The following PGF variants were observed in gnomAD, a reference collection of about 807,000 sequenced individuals.
The protein encoded by PGF is placenta growth factor.
Under a neutral mutation model 25.3 loss-of-function variants are expected in PGF, and 11 were observed. The observed-to-expected ratio is 0.43, with a 90% CI of 0.27 to 0.72. PGF has a LOEUF of 0.72. Ranked by LOEUF, PGF falls within the 30% of genes least tolerant of loss-of-function variation. The probability of loss-of-function intolerance (pLI) is 0.18; values close to 1 mark genes in which losing one functional copy is unlikely to be tolerated. For missense variants in PGF, 230 were observed against 234.9 expected, an observed-to-expected ratio of 0.98 and a Z score of 0.14; for synonymous variants, 105 against 97.9, an observed-to-expected ratio of 1.07 and a Z score of -0.43.
In PGF at chr14:74,942,044, A is replaced by C. The variant is rs1198012484; in HGVS notation, c.*662T>G. On this transcript the variant is annotated 3_prime_UTR_variant, in exon 7 of 7. Transcript: ENST00000555567. ...CAGCTCTTTCTCCAGCCCGGGGCCC[A>C]CTCTGTATGTGTCTCTTAGGGGGGG... 1.3e-5 allele frequency: 2 copies of C among 152,314 alleles called. No homozygotes were observed. The highest frequency in any genetic ancestry group is 1.9e-4 in the East Asian group (1 of 5,178). 9.4% of individuals were successfully genotyped at this position (152,314 alleles called of 1,614,324 possible).
In PGF at chr14:74,953,780, T is replaced by A. The variant is rs1238753248; in HGVS notation, c.118+124A>T. Reference sequence around the variant, plus strand: ...CCTGCCAAAGTCATCACCCAGCATGTCTAGCTTGTAGGCTCTCCCCAGCTT... The same window carrying A: ...CCTGCCAAAGTCATCACCCAGCATGACTAGCTTGTAGGCTCTCCCCAGCTT... On this transcript the variant is annotated intron_variant, in intron 2 of 6. Coordinates refer to ENST00000555567, the MANE Select transcript of PGF (RefSeq NM_002632.6). This position sits in a 1 kb window ranked among gnomAD's most constrained non-coding sequence, Gnocchi z 5.4. 1 of 960,370 alleles carries A rather than the reference T, an allele frequency of 1.0e-6. No homozygotes were observed. The highest frequency in any genetic ancestry group is 1.3e-5 in the South Asian group (1 of 75,358). The allele number at this position is 960,370 out of a possible 1,614,324, so 59.5% of individuals were successfully genotyped here. A position where few individuals can be genotyped will look rare whatever the true frequency, so the allele number is the denominator to read the frequency against.
rs1399515423 is a variant in PGF at position 74,953,167 on chromosome 14, C to A, written c.118+737G>T. 6.6e-6 allele frequency among the ~76,000 whole-genome samples: 1 copy of A among 152,220 alleles called. No homozygotes were observed. Among genetic ancestry groups the A allele is most frequent in the Non-Finnish European group, 1.5e-5 (1 of 68,036 alleles). ...AGCCCAGCAGAGGGTGTTCCCAGCA[C>A]GCAGATGGCTATCACGCGTGTGCGT... On this transcript the variant is annotated intron_variant, in intron 2 of 6. Transcript: ENST00000555567. This position sits in a 1 kb window ranked among gnomAD's most constrained non-coding sequence, Gnocchi z 5.4.
chr14:74,954,068 C>T (rs1261810901), intron 1 of PGF, 122 bp from the exon 2 acceptor site: 1 of 885,036 alleles, frequency 1.1e-6, no homozygotes, highest in Non-Finnish European at 1.8e-6. Flanking sequence ...TGCACATGCT[C>T]TGCCCTGTCT....
At position 74,946,291 on chromosome 14, in the gene PGF, C is replaced by T. The variant is rs569020932; in HGVS notation, c.423-16G>A. The stretch of plus-strand genomic sequence containing the variant: ...GGGTCTCCTCCTGCAATAAGCCAAG[C>T]GTCAGGACAAGGTGGCTGGGGAACC... On this transcript the variant is annotated splice_polypyrimidine_tract_variant and intron_variant, in intron 5 of 6. Coordinates refer to ENST00000555567, the MANE Select transcript of PGF (RefSeq NM_002632.6). The T allele has an allele frequency of 9.9e-6, 16 of 1,614,184 alleles. No homozygotes were observed. Among genetic ancestry groups the T allele is most frequent in the East Asian group, 8.9e-5 (4 of 44,892 alleles).
chr14:74,945,172 C>G (rs960441857), intron 6 of PGF: 33 of 152,278 alleles, frequency 2.2e-4, no homozygotes, highest in African/African-American at 6.5e-4. Flanking sequence ...CTACCCACTT[C>G]GGCCTCCCAA....
At position 74,942,744 on chromosome 14, in the gene PGF, C is replaced by G; in HGVS notation, c.486-11G>C. 6.2e-7 allele frequency: 1 copy of G among 1,608,658 alleles called. No individual in the cohort carries two copies. Among genetic ancestry groups the G allele is most frequent in the Non-Finnish European group, 8.5e-7 (1 of 1,177,954 alleles). ...ACAGCATCGCCGCACCTGCCAGAGACCAAGCACAGACGGGGCGGGTATCAG... is the reference window on the plus strand; with the variant it reads ...ACAGCATCGCCGCACCTGCCAGAGAGCAAGCACAGACGGGGCGGGTATCAG... On this transcript the variant is annotated splice_polypyrimidine_tract_variant and intron_variant, in intron 6 of 6. Coordinates refer to ENST00000555567, the MANE Select transcript of PGF (RefSeq NM_002632.6).
At chr14:74,951,935 CTG>C (rs1888881253) in intron 2 of PGF, among the ~76,000 whole-genome samples, 1 of 152,176 alleles carries the variant, frequency 6.6e-6, no homozygotes, top group Admixed American at 6.5e-5. Context: ...CAGATGTGGG[CTG>C]TGTCCCTCAG....
rs1181094174 is a variant in PGF at position 74,955,114 on chromosome 14, C to G, written c.75+54G>C. 1.0e-6 allele frequency: 1 copy of G among 1,002,422 alleles called. No homozygotes were observed. The highest frequency in any genetic ancestry group is 1.4e-6 in the Non-Finnish European group (1 of 720,144). 62.1% of individuals were successfully genotyped at this position (1,002,422 alleles called of 1,614,324 possible). A position where few individuals can be genotyped will look rare whatever the true frequency, so the allele number is the denominator to read the frequency against. On this transcript the variant is annotated intron_variant, in intron 1 of 6. Coordinates refer to ENST00000555567, the MANE Select transcript of PGF (RefSeq NM_002632.6). The surrounding 1 kb of genome is among the most constrained non-coding windows in gnomAD (Gnocchi z 4.1). ...CTGTGATTTCAGAGTCCCATGCTTC[C>G]AGTGCTGGGATGGGGAGGTCTGGGG...
intron 2 of PGF, among the ~76,000 whole-genome samples, chr14:74,952,060 A>G (rs2140408950): frequency 6.6e-6 from 1 of 151,962 alleles, no homozygotes; most frequent in South Asian, 2.1e-4. Flanking sequence ...GGGCCCCCTC[A>G]GGCACTGCCA....
Position 74,943,805 on chromosome 14 carries a change from G to A in PGF, c.486-1072C>T, listed in dbSNP as rs967049412. On this transcript the variant is annotated intron_variant, in intron 6 of 6. Coordinates refer to ENST00000555567, the MANE Select transcript of PGF (RefSeq NM_002632.6). ...AAATAGGAAGTATTTGTGCTGTTTT[G>A]ACCAAATGGTGCTACTAAGAATTAT... Among the ~76,000 whole-genome samples, 4 of 152,084 alleles carry A rather than the reference G, an allele frequency of 2.6e-5. No homozygotes were observed. In the East Asian group the frequency reaches 7.7e-4, roughly 29 times the overall value.
intron 1 of PGF, among the ~76,000 whole-genome samples, chr14:74,954,947 TGTG>T (rs1888951588): frequency 9.6e-6 from 1 of 103,794 alleles, no homozygotes; most frequent in African/African-American, 3.7e-5. Context: ...CCTCCCTCCC[TGTG>T]GCTTCCCTGC....
At chr14:74,954,050 C>T (rs972512876) in intron 1 of PGF, 104 bp from the exon 2 acceptor site, 4 of 1,044,072 alleles carry the variant, frequency 3.8e-6, no homozygotes, top group Non-Finnish European at 4.4e-6. Context: ...GGGTTCCTTC[C>T]CACTTGCTGC....
Position 74,942,507 on chromosome 14 carries a change from CTT to C in PGF, c.*197_*198del. ...CCAGGGGTCTGTGGCTGGCTTCTCT[CTT>C]TCTCTCACGTTGTTGAAGGCACTGA... On this transcript the variant is annotated 3_prime_UTR_variant, in exon 7 of 7. Transcript: ENST00000555567. The C allele has an allele frequency of 1.6e-6, 1 of 613,936 alleles. No individual in the cohort carries two copies. The highest frequency in any genetic ancestry group is 2.9e-6 in the Non-Finnish European group (1 of 347,386). 38.0% of individuals were successfully genotyped at this position (613,936 alleles called of 1,614,324 possible). A position where few individuals can be genotyped will look rare whatever the true frequency, so the allele number is the denominator to read the frequency against.
intron 2 of PGF, 58 bp from the exon 3 acceptor site, chr14:74,949,611 A>C (rs1171200829): frequency 2.7e-5 from 37 of 1,372,732 alleles, no homozygotes; most frequent in Non-Finnish European, 3.6e-5. Flanking sequence ...TTGAAGCCCT[A>C]AACCTGGCTC....
chr14:74,949,428 G>A lies in PGF; in HGVS notation c.244C>T (p.Arg82Cys), dbSNP rs541170795. 6.2e-6 allele frequency: 10 copies of A among 1,611,564 alleles called. No homozygotes were observed. The highest frequency in any genetic ancestry group is 1.1e-5 in the South Asian group (1 of 90,844). Residue 82 changes from arginine to cysteine, a missense_variant, in exon 3 of 7, where the codon CGC becomes TGC. Transcript: ENST00000555567. ...TCATCGCCGCAGCAGCCGGTGCAGC[G>A]CAGCAGGGAGACACAGGATGGGCTG... The part of the protein sequence containing the change: ...MFSPSCVSLL[R>C]CTGCCGDENL...
At position 74,942,559 on chromosome 14, in the gene PGF, T is replaced by C; in HGVS notation, c.*147A>G. On this transcript the variant is annotated 3_prime_UTR_variant, in exon 7 of 7. Coordinates refer to ENST00000555567, the MANE Select transcript of PGF (RefSeq NM_002632.6). ...AATTCCTGAGGGTCCTGTCCTTCCC[T>C]GCCCCTCGTCTTGAAGGGAGCGAGG... The C allele has an allele frequency of 1.3e-6, 1 of 772,552 alleles. No individual in the cohort carries two copies. The highest frequency in any genetic ancestry group is 2.9e-5 in the East Asian group (1 of 35,038). The allele number at this position is 772,552 out of a possible 1,614,324, so 47.9% of individuals were successfully genotyped here.
rs1319502705 is a variant in PGF, at chr14:74,946,933, C to T, written c.393-525G>A. 11 of 720,210 alleles carry T rather than the reference C, an allele frequency of 1.5e-5. No individual in the cohort carries two copies. The Admixed American group carries it at 2.0e-4, about 13-fold the overall frequency. The allele number at this position is 720,210 out of a possible 1,614,324, so 44.6% of individuals were successfully genotyped here. ...AGTCACCAGGCATGTCTGGGCTCTG[C>T]CTCCCAGGGCTGTGGCTGTTGGCCC... On this transcript the variant is annotated intron_variant, in intron 4 of 6. Coordinates refer to ENST00000555567, the MANE Select transcript of PGF (RefSeq NM_002632.6).
chr14:74,943,348 G>C (rs1888646874), intron 6 of PGF, among the ~76,000 whole-genome samples: 1 of 152,054 alleles, frequency 6.6e-6, no homozygotes, highest in Non-Finnish European at 1.5e-5. Context: ...CTGAGGACAT[G>C]AAAAAAAGAA....
At chr14:74,946,698 T>C (rs1374904031) in intron 4 of PGF, 2 of 684,364 alleles carry the variant, frequency 2.9e-6, no homozygotes, top group Non-Finnish European at 2.7e-6. Context: ...AATTTGGTTG[T>C]TTCTGTCTGT....
Sources: gnomAD v4.1 joint callset for allele counts (sites outside exome capture counted in the v4.1 genomes callset) on GRCh38, gnomAD v4.1.1 for gene constraint, Gnocchi (gnomAD v3.1) non-coding constraint, MANE v1.5 for transcripts, NCBI Gene and HGNC (gene_info 2026-07-23, HGNC 2026-07-21) for gene names.